Variants in GALNT18 observed in about 807,000 individuals in gnomAD.
GALNT18 encodes polypeptide N-acetylgalactosaminyltransferase 18.
GALNT18 carries 44 observed loss-of-function variants against 69.5 expected under a neutral mutation model. The observed-to-expected ratio is 0.63, with a 90% CI of 0.50 to 0.81. GALNT18 has a LOEUF of 0.81. GALNT18 is among the 40% of genes least tolerant of loss of function. GALNT18 has a pLI of 0.00. For synonymous variants in GALNT18, 364 were observed against 318.2 expected, an observed-to-expected ratio of 1.14 and a Z score of -1.53; for missense variants, 715 against 810.0, an observed-to-expected ratio of 0.88 and a Z score of 1.42.
Position 11,538,894 on chromosome 11 carries a change from A to C in GALNT18, c.235+82465T>G, listed in dbSNP as rs1043287949. On this transcript the variant is annotated intron_variant, in intron 1 of 10. Coordinates refer to ENST00000227756, the MANE Select transcript of GALNT18 (RefSeq NM_198516.3). This position sits in a 1 kb window ranked among gnomAD's most constrained non-coding sequence, Gnocchi z 5.2. ...TCCCACCCAAACCTTCAGAGATCCC[A>C]GTAAAAGATGCTTTGTCAACAGAGG... 6.6e-6 allele frequency among the ~76,000 whole-genome samples: 1 copy of C among 152,104 alleles called. No homozygotes were observed. Among genetic ancestry groups the C allele is most frequent in the Non-Finnish European group, 1.5e-5 (1 of 68,002 alleles).
In GALNT18 at chr11:11,497,843, A is replaced by G. The variant is rs993792005; in HGVS notation, c.236-48907T>C. ...TATTTCATGCTAATATTTTGGTGTA[A>G]GGCCAAGGCTTCTATTTGAGCTGTG... On this transcript the variant is annotated intron_variant, in intron 1 of 10. Coordinates refer to ENST00000227756, the MANE Select transcript of GALNT18 (RefSeq NM_198516.3). The surrounding 1 kb of genome is among the most constrained non-coding windows in gnomAD (Gnocchi z 4.2). Among the ~76,000 whole-genome samples the G allele has an allele frequency of 4.6e-5, 7 of 151,998 alleles. No homozygotes were observed. The highest frequency in any genetic ancestry group is 9.7e-5 in the African/African-American group (4 of 41,396).
At chr11:11,485,912 A>G (rs376626047) in intron 1 of GALNT18, among the ~76,000 whole-genome samples, 1 of 152,144 alleles carries the variant, frequency 6.6e-6, no homozygotes, top group Non-Finnish European at 1.5e-5. Flanking sequence ...TTGCTGCCCT[A>G]TGTAATCTTC....
intron 3 of GALNT18, among the ~76,000 whole-genome samples, chr11:11,431,920 G>A (rs1039482155): frequency 3.3e-5 from 5 of 152,174 alleles, no homozygotes; most frequent in African/African-American, 1.2e-4. Context: ...TTTCAGTCTG[G>A]AATGGTATAT....
intron 6 of GALNT18, among the ~76,000 whole-genome samples, chr11:11,362,445 G>A (rs906480448): frequency 3.9e-5 from 6 of 152,018 alleles, no homozygotes; most frequent in Non-Finnish European, 5.9e-5. Flanking sequence ...TTGTATGATG[G>A]GCAAAGTATT....
intron 1 of GALNT18, among the ~76,000 whole-genome samples, chr11:11,504,760 A>AAAT (rs1564983061): frequency 6.7e-6 from 1 of 149,604 alleles, no homozygotes; most frequent in East Asian, 2.0e-4. Flanking sequence ...CCCATCTCAA[A>AAAT]ATATATATAT....
chr11:11,448,706 G>C (rs765059673), intron 2 of GALNT18, 38 bp downstream of exon 2: 1 of 1,562,710 alleles, frequency 6.4e-7, no homozygotes, highest in Non-Finnish European at 8.7e-7. Context: ...TCTCCCCATA[G>C]GCAGGTCGAC....
intron 1 of GALNT18, among the ~76,000 whole-genome samples, chr11:11,529,299 T>C (rs1253723901): frequency 6.6e-6 from 1 of 152,222 alleles, no homozygotes; most frequent in African/African-American, 2.4e-5. Flanking sequence ...TATATGTGGG[T>C]GGCCTTCATC....
chr11:11,384,671 T>A (rs1268783301), intron 3 of GALNT18, among the ~76,000 whole-genome samples: 1 of 152,148 alleles, frequency 6.6e-6, no homozygotes, highest in African/African-American at 2.4e-5. Context: ...CTTTCTGCCA[T>A]GTGAGGATGA....
intron 1 of GALNT18, among the ~76,000 whole-genome samples, chr11:11,556,496 G>C (rs751858871): frequency 6.6e-6 from 1 of 152,186 alleles, no homozygotes. Context: ...GTGCAAGATA[G>C]TGCCCTTGAG....
intron 6 of GALNT18, among the ~76,000 whole-genome samples, chr11:11,366,605 C>T (rs765693842): frequency 7.9e-5 from 12 of 152,160 alleles, no homozygotes; most frequent in Non-Finnish European, 1.3e-4. Flanking sequence ...CATTTGATTG[C>T]TGTGAGCAAT....
At chr11:11,462,290 C>A (rs10831618) in intron 1 of GALNT18, among the ~76,000 whole-genome samples, 36 of 135,262 alleles carry the variant, frequency 2.7e-4, no homozygotes, top group Non-Finnish European at 5.4e-4. Context: ...TTTTTTTTTT[C>A]CTTTGCGATG....
At chr11:11,516,401 G>A (rs1857277246) in intron 1 of GALNT18, among the ~76,000 whole-genome samples, 1 of 152,196 alleles carries the variant, frequency 6.6e-6, no homozygotes, top group African/African-American at 2.4e-5. Flanking sequence ...GGAGGCCTAA[G>A]TGGGAAAATC....
At chr11:11,474,451 C>A (rs1236448726) in intron 1 of GALNT18, among the ~76,000 whole-genome samples, 1 of 152,060 alleles carries the variant, frequency 6.6e-6, no homozygotes, top group East Asian at 1.9e-4. Flanking sequence ...GTTCTAATAG[C>A]AATGGGAAAA....
chr11:11,468,525 C>T (rs1397544858), intron 1 of GALNT18, among the ~76,000 whole-genome samples: 2 of 140,120 alleles, frequency 1.4e-5, no homozygotes, highest in Non-Finnish European at 3.1e-5. Flanking sequence ...CCAGCATACA[C>T]TTGGAGAAAC....
At chr11:11,313,433 A>C (rs1437478384) in intron 9 of GALNT18, among the ~76,000 whole-genome samples, 2 of 152,208 alleles carry the variant, frequency 1.3e-5, no homozygotes, top group African/African-American at 4.8e-5. Flanking sequence ...TTTCCTTTAG[A>C]TCCTAAGGAG....
chr11:11,305,844 T>A (rs184259215), intron 9 of GALNT18, among the ~76,000 whole-genome samples: 26 of 152,348 alleles, frequency 1.7e-4, no homozygotes, highest in Admixed American at 1.2e-3. Context: ...TTACATGATA[T>A]ACACTCAAAA....
intron 10 of GALNT18, among the ~76,000 whole-genome samples, chr11:11,279,999 C>CTG (rs1467458487): frequency 3.3e-5 from 5 of 152,060 alleles, no homozygotes; most frequent in Admixed American, 6.6e-5. Flanking sequence ...GTGGAGGGGA[C>CTG]TGTGTATGTG....
chr11:11,533,521 C>G (rs1313904091), intron 1 of GALNT18, among the ~76,000 whole-genome samples: 1 of 152,212 alleles, frequency 6.6e-6, no homozygotes, highest in Non-Finnish European at 1.5e-5. Flanking sequence ...CAGAGACAGA[C>G]ACATGTACCA....
intron 10 of GALNT18, among the ~76,000 whole-genome samples, chr11:11,284,536 A>T (rs1295470615): frequency 6.6e-6 from 1 of 152,158 alleles, no homozygotes; most frequent in Non-Finnish European, 1.5e-5. Context: ...CCTGAGGTGG[A>T]ACGTCTGGAG....
Sources: allele counts gnomAD v4.1 joint callset (sites outside exome capture counted in the v4.1 genomes callset), GRCh38; gene constraint gnomAD v4.1.1; non-coding constraint Gnocchi (gnomAD v3.1); transcripts MANE v1.5; gene names NCBI Gene and HGNC (gene_info 2026-07-23, HGNC 2026-07-21).